AIRIM: variants seen among roughly 807,000 people sequenced by gnomAD.
AIRIM encodes the protein AFG2 interacting ribosome maturation factor, also known as AFG2-interacting ribosome maturation factor.
At chr1:37,684,174 CAG>C in the AIRIM span, 1 of 152,444 alleles carries the variant, frequency 6.6e-6, no homozygotes, top group African/African-American at 2.4e-5. Context: ...GGGATGGGGA[CAG>C]AGAGGGAAAA....
chr1:37,691,866 G>T, the AIRIM span, among the ~76,000 whole-genome samples: 1 of 152,244 alleles, frequency 6.6e-6, no homozygotes, highest in African/African-American at 2.4e-5. Context: ...GCCCGCGGGG[G>T]AGCGAGGAAC....
chr1:37,689,986 A>G, the AIRIM span: 1 of 1,446,532 alleles, frequency 6.9e-7, no homozygotes, highest in Non-Finnish European at 9.0e-7. Flanking sequence ...TCGTGTTCAG[A>G]CAGGAGTTGT....
the AIRIM span, chr1:37,682,601 A>G: frequency 1.3e-5 from 2 of 153,018 alleles, no homozygotes. Context: ...GAGGATAACT[A>G]TTGCAATTGG....
At chr1:37,686,469 G>C in the AIRIM span, 1 of 1,608,276 alleles carries the variant, frequency 6.2e-7, no homozygotes, top group Non-Finnish European at 8.5e-7. Flanking sequence ...GAAAGAGTCT[G>C]ACATTAGGCA....
At chr1:37,690,642 A>C in the AIRIM span, 14 of 295,916 alleles carry the variant, frequency 4.7e-5, no homozygotes, top group Admixed American at 7.6e-4. Flanking sequence ...CAACATGTGG[A>C]CTGGCCACTC....
At chr1:37,683,275 A>C in the AIRIM span, 2 of 1,612,994 alleles carry the variant, frequency 1.2e-6, no homozygotes, top group Non-Finnish European at 1.7e-6. Context: ...CCACAGGGAG[A>C]GAAAGGAGGA....
At chr1:37,685,339 A>T in the AIRIM span, among the ~76,000 whole-genome samples, 1 of 149,844 alleles carries the variant, frequency 6.7e-6, no homozygotes, top group Non-Finnish European at 1.5e-5. Flanking sequence ...CCTCCTGAGT[A>T]GCTGGGACTA....
chr1:37,684,251 C>T, the AIRIM span: 1 of 152,280 alleles, frequency 6.6e-6, no homozygotes, highest in Non-Finnish European at 1.5e-5. Flanking sequence ...CATTCTAGCA[C>T]ATAGCAAGTG....
At chr1:37,683,669 A>T in the AIRIM span, 2 of 447,174 alleles carry the variant, frequency 4.5e-6, no homozygotes, top group African/African-American at 4.0e-5. Flanking sequence ...CTGGGATCTC[A>T]GCATGGTGAG....
At chr1:37,686,207 T>C in the AIRIM span, 1 of 1,447,834 alleles carries the variant, frequency 6.9e-7, no homozygotes, top group East Asian at 2.4e-5. Flanking sequence ...TCCAATCTTG[T>C]GAAAACTGAA....
At chr1:37,686,763 C>A in the AIRIM span, among the ~76,000 whole-genome samples, 1 of 152,120 alleles carries the variant, frequency 6.6e-6, no homozygotes, top group Admixed American at 6.5e-5. Flanking sequence ...CTTGGAGGTA[C>A]GGGTGGCTCA....
At chr1:37,690,237 G>C in the AIRIM span, 1 of 1,274,198 alleles carries the variant, frequency 7.8e-7, no homozygotes, top group Non-Finnish European at 1.0e-6. Context: ...CGCCCGCCTC[G>C]GTCTTCCAAA....
chr1:37,691,633 C>G, the AIRIM span: 4 of 153,868 alleles, frequency 2.6e-5, no homozygotes, highest in Admixed American at 2.0e-4. Context: ...CCGACAGGAC[C>G]GCGGCTCGGC....
the AIRIM span, among the ~76,000 whole-genome samples, chr1:37,686,104 C>G: frequency 6.6e-6 from 1 of 152,116 alleles, no homozygotes; most frequent in Non-Finnish European, 1.5e-5. Flanking sequence ...GTAGTAGCTA[C>G]TCGATAAATT....
chr1:37,689,782 C>G, the AIRIM span: 1 of 1,613,154 alleles, frequency 6.2e-7, no homozygotes, highest in Non-Finnish European at 8.5e-7. Flanking sequence ...GCTGGCAGTC[C>G]CGCAGGGCAC....
At chr1:37,684,841 A>C in the AIRIM span, among the ~76,000 whole-genome samples, 1 of 152,080 alleles carries the variant, frequency 6.6e-6, no homozygotes, top group Admixed American at 6.5e-5. Flanking sequence ...CCTAAGCTAG[A>C]GGCTAAAATC....
At chr1:37,683,454 G>C in the AIRIM span, 2 of 1,610,598 alleles carry the variant, frequency 1.2e-6, no homozygotes, top group African/African-American at 2.7e-5. Flanking sequence ...GGAAGTTAAG[G>C]ACTGCTCAAA....
chr1:37,690,445 A>C, the AIRIM span: 1 of 1,264,216 alleles, frequency 7.9e-7, no homozygotes, highest in East Asian at 5.6e-5. Flanking sequence ...CTTCCTGAAA[A>C]AGCGGAAAAA....
the AIRIM span, among the ~76,000 whole-genome samples, chr1:37,688,097 C>G: frequency 6.6e-6 from 1 of 152,030 alleles, no homozygotes; most frequent in South Asian, 2.1e-4. Flanking sequence ...TGCTCTGTCA[C>G]CCAGGCTGGA....
Sources: allele counts gnomAD v4.1 joint callset (sites outside exome capture counted in the v4.1 genomes callset), GRCh38; gene constraint gnomAD v4.1.1; transcripts MANE v1.5; gene names NCBI Gene and HGNC (gene_info 2026-07-23, HGNC 2026-07-21).